The following CHD7 variants were observed in gnomAD, a reference collection of about 807,000 sequenced individuals.
CHD7 encodes the protein ATP-dependent chromatin remodeler CHD7.
CHD7 carries 24 observed loss-of-function variants against 307.3 expected under a neutral mutation model. The ratio of observed to expected loss-of-function variants is 0.08; its 90% CI spans 0.06 to 0.11. The LOEUF is 0.11. Ranked by LOEUF, CHD7 falls within the 10% of genes least tolerant of loss-of-function variation. The pLI is 1.00. For missense variants in CHD7, 3,106 were observed against 3,727.1 expected, an observed-to-expected ratio of 0.83 and a Z score of 4.34; for synonymous variants, 1,363 against 1,349.9, an observed-to-expected ratio of 1.01 and a Z score of -0.21.
chr8:60,706,272 TATG>T (rs376563900), intron 1 of CHD7, among the ~76,000 whole-genome samples: 4 of 152,312 alleles, frequency 2.6e-5, no homozygotes, highest in African/African-American at 9.6e-5. Context: ...GTTGAACGAT[TATG>T]AATTGCTTAA....
At chr8:60,817,425 T>C (rs116074415) in intron 8 of CHD7, among the ~76,000 whole-genome samples, 1,866 of 152,322 alleles carry the variant, frequency 0.012, 37 homozygotes, top group African/African-American at 0.042. Flanking sequence ...AAAATTCTTA[T>C]ACTATCAGGT....
intron 8 of CHD7, among the ~76,000 whole-genome samples, chr8:60,817,498 G>A (rs1356943544): frequency 1.3e-5 from 2 of 152,248 alleles, no homozygotes; most frequent in East Asian, 1.9e-4. Context: ...GGTAAAGTCC[G>A]CATTCAATGG....
chr8:60,829,702 C>T (rs1418465870), intron 14 of CHD7, among the ~76,000 whole-genome samples: 33 of 152,198 alleles, frequency 2.2e-4, no homozygotes, highest in Admixed American at 2.0e-3. Context: ...AAATAAATAA[C>T]GGAGATAGAC....
intron 12 of CHD7, 51 bp downstream of exon 12, chr8:60,822,797 T>G: frequency 7.0e-7 from 1 of 1,434,454 alleles, no homozygotes; most frequent in Admixed American, 2.4e-5. Context: ...CATTTTAAGG[T>G]GTTAAAAAAA....
chr8:60,724,400 A>G (rs1034396409), intron 1 of CHD7, among the ~76,000 whole-genome samples: 4 of 152,274 alleles, frequency 2.6e-5, no homozygotes, highest in Non-Finnish European at 4.4e-5. Context: ...AGGTTGGTGC[A>G]GGATAGCAGG....
Position 60,795,080 on chromosome 8 carries a change from C to A in CHD7, c.2191C>A (p.Pro731Thr), listed in dbSNP as rs1368393338. 5 of 1,613,666 alleles carry A rather than the reference C, an allele frequency of 3.1e-6. No homozygotes were observed. Among genetic ancestry groups the A allele is most frequent in the Non-Finnish European group, 4.2e-6 (5 of 1,179,754 alleles). Reference protein sequence around the residue: ...GSENSDLDKTPPPSPPPEEDE... With the variant: ...GSENSDLDKTTPPSPPPEEDE... Reference sequence around the variant, plus strand: ...TGAAAATTCAGACTTAGACAAAACACCCCCACCATCTCCTCCTCCTGAAGA... The same window carrying A: ...TGAAAATTCAGACTTAGACAAAACAACCCCACCATCTCCTCCTCCTGAAGA... Residue 731 changes from proline (P) to threonine (T), a missense_variant, in exon 4 of 38, where the codon CCC becomes ACC. Physicochemically the swap from Pro to Thr is conservative, Grantham distance 38. Transcript: ENST00000423902.
At chr8:60,796,072 T>G (rs568831699) in intron 4 of CHD7, among the ~76,000 whole-genome samples, 28 of 152,358 alleles carry the variant, frequency 1.8e-4, no homozygotes, top group African/African-American at 6.7e-4. Context: ...TATTTTTGGC[T>G]TTGGCTTTTT....
rs183937573 is a variant in CHD7, at chr8:60,818,377, G to A, written c.2614-1630G>A. Among the ~76,000 whole-genome samples, 333 of 152,288 alleles carry A rather than the reference G, an allele frequency of 2.2e-3. 2 individuals are homozygous for A. Among genetic ancestry groups the A allele is most frequent in the African/African-American group, 7.7e-3 (321 of 41,538 alleles). On this transcript the variant is annotated intron_variant, in intron 8 of 37. Coordinates refer to ENST00000423902, the MANE Select transcript of CHD7 (RefSeq NM_017780.4). ...GGTAGAAATGTGTAGGAAAAGTTAA[G>A]GATTTTAATTCAGCACTGACTGTGA... is the stretch of plus-strand genomic sequence containing the variant.
At chr8:60,717,454 G>C (rs1269447488) in intron 1 of CHD7, among the ~76,000 whole-genome samples, 2 of 152,186 alleles carry the variant, frequency 1.3e-5, no homozygotes, top group African/African-American at 2.4e-5. Flanking sequence ...TCTTGATATA[G>C]GTCAGGCCTT....
Position 60,680,037 on chromosome 8 carries a change from C to T in CHD7, c.-175+955C>T, listed in dbSNP as rs1337376353. ...AGGGGACCCCACCTTGTCGAGCTGG[C>T]CGGGCCGCCGGCGGCGGCAGCTGCA... On this transcript the variant is annotated intron_variant, in intron 1 of 37. Transcript: ENST00000423902. Among the ~76,000 whole-genome samples, 6 of 151,478 alleles carry T rather than the reference C, an allele frequency of 4.0e-5. No homozygotes were observed. The East Asian group carries it at 7.9e-4, about 20-fold the overall frequency.
chr8:60,705,801 T>A (rs979600239), intron 1 of CHD7, among the ~76,000 whole-genome samples: 2 of 152,248 alleles, frequency 1.3e-5, no homozygotes, highest in Admixed American at 1.3e-4. Context: ...CTACTTGGAA[T>A]AATAGATTTT....
chr8:60,707,026 G>C (rs1807057785), intron 1 of CHD7, among the ~76,000 whole-genome samples: 1 of 151,960 alleles, frequency 6.6e-6, no homozygotes, highest in Non-Finnish European at 1.5e-5. Context: ...GTGTCCAAGT[G>C]TTCCCATTGT....
At chr8:60,794,956 G>A in intron 3 of CHD7, 30 bp from the exon 4 acceptor site, 2 of 1,595,640 alleles carry the variant, frequency 1.3e-6, no homozygotes, top group Non-Finnish European at 1.7e-6. Context: ...CATTAAAAGT[G>A]AACACTAAGC....
At chr8:60,862,871 A>G (rs1419624815) in intron 37 of CHD7, 1 of 542,380 alleles carries the variant, frequency 1.8e-6, no homozygotes, top group Non-Finnish European at 3.3e-6. Flanking sequence ...TTTGTATGGA[A>G]ACATACATTC....
chr8:60,731,301 A>G (rs774716956), intron 1 of CHD7, among the ~76,000 whole-genome samples: 2 of 152,258 alleles, frequency 1.3e-5, no homozygotes, highest in Non-Finnish European at 2.9e-5. Context: ...ATCTTCTATC[A>G]GTTAAATTGT....
At chr8:60,853,685 A>G (rs993522358) in intron 31 of CHD7, among the ~76,000 whole-genome samples, 185 bp downstream of exon 31, 2 of 152,216 alleles carry the variant, frequency 1.3e-5, no homozygotes, top group African/African-American at 4.8e-5. Flanking sequence ...GCACCTAACC[A>G]TGGTATTTTG....
intron 1 of CHD7, among the ~76,000 whole-genome samples, chr8:60,714,240 G>A (rs1437735707): frequency 2.6e-5 from 4 of 152,022 alleles, no homozygotes; most frequent in Non-Finnish European, 5.9e-5. Context: ...GCTGGCACGC[G>A]GAAGGCCCTC....
chr8:60,708,537 A>C (rs1807123169), intron 1 of CHD7, among the ~76,000 whole-genome samples: 1 of 152,070 alleles, frequency 6.6e-6, no homozygotes, highest in Non-Finnish European at 1.5e-5. Flanking sequence ...GCTTCCCTTC[A>C]CCTGGGATGC....
chr8:60,747,356 G>C (rs575893814), intron 2 of CHD7, among the ~76,000 whole-genome samples: 10 of 152,130 alleles, frequency 6.6e-5, no homozygotes, highest in Non-Finnish European at 1.3e-4. Context: ...GGGATTACAG[G>C]CATGAGCCAC....
Sources: allele counts gnomAD v4.1 joint callset (sites outside exome capture counted in the v4.1 genomes callset), GRCh38; gene constraint gnomAD v4.1.1; transcripts MANE v1.5; gene names NCBI Gene and HGNC (gene_info 2026-07-23, HGNC 2026-07-21).